IGFL2: variants seen among roughly 807,000 people sequenced by gnomAD.
IGFL2 encodes IGF like family member 2.
IGFL2 carries 7 observed loss-of-function variants against 13.9 expected under a neutral mutation model. The ratio of observed to expected loss-of-function variants is 0.51; its 90% CI spans 0.29 to 0.95. The LOEUF is 0.95. Among genes scored for constraint, IGFL2 ranks in the 40% least tolerant of loss-of-function variants. The pLI, the probability that IGFL2 is intolerant of heterozygous loss-of-function variation, is 0.08. For synonymous variants in IGFL2, 55 were observed against 55.8 expected, an observed-to-expected ratio of 0.99 and a Z score of 0.07; for missense variants, 138 against 147.8, an observed-to-expected ratio of 0.93 and a Z score of 0.34.
the IGFL2 span, among the ~76,000 whole-genome samples, chr19:46,188,221 C>T: frequency 6.6e-6 from 1 of 152,096 alleles, no homozygotes; most frequent in Non-Finnish European, 1.5e-5. Flanking sequence ...GTCCTTGGTC[C>T]AGCCCCCAGA....
chr19:46,210,122 A>C, the IGFL2 span: 1 of 152,184 alleles, frequency 6.6e-6, no homozygotes, highest in East Asian at 1.9e-4. Context: ...ATGATCAGAA[A>C]CCTTAGCAGG....
At chr19:46,140,245 C>CTATATATATATA (rs10574851), upstream of IGFL2, among the ~76,000 whole-genome samples, 1 of 148,508 alleles carries the variant, frequency 6.7e-6, no homozygotes, top group Non-Finnish European at 1.5e-5. Flanking sequence ...CACGCCCAGC[C>CTATATATATATA]TATATATATA....
the IGFL2 span, chr19:46,124,740 G>A: frequency 9.0e-7 from 1 of 1,113,200 alleles, no homozygotes; most frequent in Admixed American, 1.7e-5. Context: ...TGTTAACCTG[G>A]TAAGTTTACT....
chr19:46,145,593 CATAT>C (rs546289879), upstream of IGFL2, among the ~76,000 whole-genome samples: 88 of 87,808 alleles, frequency 1.0e-3, no homozygotes, highest in African/African-American at 2.8e-3. Context: ...AGGACACACT[CATAT>C]ATATGTGTGT....
the IGFL2 span, chr19:46,120,144 A>G: frequency 9.6e-6 from 7 of 727,082 alleles, 1 homozygote; most frequent in African/African-American, 1.1e-4. Flanking sequence ...AAAGGGGATG[A>G]AGCAGGAAGG....
the IGFL2 span, chr19:46,213,811 T>G: frequency 6.5e-6 from 1 of 154,668 alleles, no homozygotes; most frequent in Non-Finnish European, 1.5e-5. Flanking sequence ...CTTGGCCGCT[T>G]TCTGTTTGTG....
intron 1 of IGFL2, among the ~76,000 whole-genome samples, chr19:46,150,932 C>G (rs895327441): frequency 1.9e-4 from 29 of 152,334 alleles, no homozygotes; most frequent in Admixed American, 1.3e-3. Context: ...TCCCAAAGTG[C>G]TGGGATTGCA....
chr19:46,178,467 A>G, the IGFL2 span, among the ~76,000 whole-genome samples: 4 of 152,282 alleles, frequency 2.6e-5, no homozygotes, highest in South Asian at 2.1e-4. Context: ...CCATTTTTTT[A>G]TGGGAGAAAT....
At chr19:46,082,820 A>G in the IGFL2 span, among the ~76,000 whole-genome samples, 1 of 152,186 alleles carries the variant, frequency 6.6e-6, no homozygotes, top group Non-Finnish European at 1.5e-5. Flanking sequence ...TCAGTTAGTC[A>G]TATGGGTAGC....
At chr19:46,095,971 C>A in the IGFL2 span, among the ~76,000 whole-genome samples, 1 of 152,192 alleles carries the variant, frequency 6.6e-6, no homozygotes, top group East Asian at 1.9e-4. Context: ...TAGCTTTGTT[C>A]TTTTTGCTTA....
the IGFL2 span, among the ~76,000 whole-genome samples, chr19:46,109,379 A>G: frequency 1.3e-4 from 20 of 151,628 alleles, no homozygotes; most frequent in Non-Finnish European, 2.5e-4. Context: ...CAGTGGCGCA[A>G]TCTTGGCTCA....
upstream of IGFL2, among the ~76,000 whole-genome samples, chr19:46,142,791 G>C (rs571684423): frequency 6.6e-6 from 1 of 152,156 alleles, no homozygotes; most frequent in Non-Finnish European, 1.5e-5. Context: ...ATCCTTTTGC[G>C]TGTACTTCTG....
At chr19:46,208,830 T>C in the IGFL2 span, 2 of 152,238 alleles carry the variant, frequency 1.3e-5, no homozygotes, top group Non-Finnish European at 2.9e-5. Flanking sequence ...TGCAGAACTA[T>C]GAGTCAATTA....
intron 1 of IGFL2, among the ~76,000 whole-genome samples, chr19:46,156,747 AAAAT>A (rs1973845478): frequency 6.6e-6 from 1 of 152,166 alleles, no homozygotes; most frequent in South Asian, 2.1e-4. Flanking sequence ...ATAAAAGAGC[AAAAT>A]AAACCCAAAG....
the IGFL2 span, among the ~76,000 whole-genome samples, chr19:46,088,079 C>G: frequency 6.6e-6 from 1 of 152,188 alleles, no homozygotes; most frequent in East Asian, 1.9e-4. Flanking sequence ...CTGGGGGTCT[C>G]TCACCATTCG....
the IGFL2 span, among the ~76,000 whole-genome samples, chr19:46,083,928 A>T: frequency 6.6e-6 from 1 of 152,198 alleles, no homozygotes; most frequent in Non-Finnish European, 1.5e-5. Flanking sequence ...GTGGGCATTT[A>T]CTGCTATAAA....
chr19:46,104,656 A>G, the IGFL2 span, among the ~76,000 whole-genome samples: 1 of 152,212 alleles, frequency 6.6e-6, no homozygotes, highest in Non-Finnish European at 1.5e-5. Context: ...AGTCCTGGAC[A>G]GGGGCAAATC....
the IGFL2 span, among the ~76,000 whole-genome samples, chr19:46,109,620 G>A: frequency 3.8e-3 from 578 of 152,178 alleles, 4 homozygotes; most frequent in African/African-American, 0.013. Context: ...CCGGCCCAAA[G>A]TACCTTCTTA....
At chr19:46,098,738 C>G in the IGFL2 span, among the ~76,000 whole-genome samples, 10 of 152,176 alleles carry the variant, frequency 6.6e-5, no homozygotes, top group Admixed American at 1.3e-4. Context: ...CTCGGCCTCC[C>G]AAAGTACTGG....
Sources: gnomAD v4.1 joint callset for allele counts (sites outside exome capture counted in the v4.1 genomes callset) on GRCh38, gnomAD v4.1.1 for gene constraint, MANE v1.5 for transcripts, NCBI Gene and HGNC (gene_info 2026-07-23, HGNC 2026-07-21) for gene names.